HNRNPUL1: variants seen among roughly 807,000 people sequenced by gnomAD.
HNRNPUL1 encodes heterogeneous nuclear ribonucleoprotein U-like protein 1.
A neutral mutation model predicts 108.5 loss-of-function variants in HNRNPUL1; 14 were observed. The ratio of observed to expected loss-of-function variants is 0.13; its 90% CI spans 0.09 to 0.20. The LOEUF is 0.20. Among genes scored for constraint, HNRNPUL1 ranks in the 10% least tolerant of loss-of-function variants. HNRNPUL1 has a pLI of 1.00. For missense variants in HNRNPUL1, 804 were observed against 1,168.3 expected (o/e 0.69, Z 4.55); for synonymous variants, 422 against 445.2 (o/e 0.95, Z 0.66).
chr19:41,279,552 C>A (rs1599791102), intron 6 of HNRNPUL1, among the ~76,000 whole-genome samples: 1 of 152,100 alleles, frequency 6.6e-6, no homozygotes, highest in East Asian at 1.9e-4. Flanking sequence ...GGAGCCTAAC[C>A]TAGAGGAAAA....
In HNRNPUL1 at chr19:41,304,087, GCCA is replaced by G. The variant is rs1219179690; in HGVS notation, c.2093_2095del (p.Pro698del). The G allele has an allele frequency of 3.1e-6, 5 of 1,612,694 alleles. No homozygotes were observed. The highest frequency in any genetic ancestry group is 4.2e-6 in the Non-Finnish European group (5 of 1,178,962). On this transcript the variant is annotated inframe_deletion, in exon 13 of 15. Transcript: ENST00000392006. ...ACAACCGGGCTCCCCAGCAACAGCC[GCCA>G]CCACAGCAGCCTCCGCCACCACAGC...
intron 1 of HNRNPUL1, among the ~76,000 whole-genome samples, chr19:41,267,211 T>G (rs1366857959): frequency 6.6e-6 from 1 of 152,160 alleles, no homozygotes; most frequent in Non-Finnish European, 1.5e-5. Flanking sequence ...AGATCACATG[T>G]GAAGGGCTTA....
chr19:41,267,801 G>A (rs1253273386), intron 1 of HNRNPUL1, among the ~76,000 whole-genome samples: 1 of 152,170 alleles, frequency 6.6e-6, no homozygotes, highest in African/African-American at 2.4e-5. Flanking sequence ...GTTCTTGAGG[G>A]AATTTCTGGT....
chr19:41,306,380 G>A (rs2037549367), intron 14 of HNRNPUL1, 69 bp from the exon 15 acceptor site: 3 of 1,005,670 alleles, frequency 3.0e-6, no homozygotes, highest in East Asian at 5.6e-5. Context: ...AGGTGAGGGT[G>A]GGGCTGGTGG....
In HNRNPUL1 at chr19:41,285,999, T is replaced by C. The variant is rs138476787; in HGVS notation, c.999+4724T>C. Among the ~76,000 whole-genome samples the C allele has an allele frequency of 2.4e-3, 371 of 152,134 alleles. 2 individuals carry two copies. Among genetic ancestry groups the C allele is most frequent in the African/African-American group, 8.6e-3 (358 of 41,488 alleles). On this transcript the variant is annotated intron_variant, in intron 7 of 14. Transcript: ENST00000392006. ...GCCTGGGCAACATAAGGAAACCCTG[T>C]CTTTACCAAAAATAGAAATAAAAAT... is the stretch of plus-strand genomic sequence containing the variant.
intron 12 of HNRNPUL1, 146 bp downstream of exon 12, chr19:41,303,095 G>C: frequency 1.1e-6 from 1 of 933,136 alleles, no homozygotes; most frequent in Non-Finnish European, 1.5e-6. Context: ...AGTCAGACAC[G>C]GAGACCTCAG....
chr19:41,280,206 C>T lies in HNRNPUL1; in HGVS notation c.887-957C>T, dbSNP rs1349180663. Among the ~76,000 whole-genome samples, 4 of 152,084 alleles carry T rather than the reference C, an allele frequency of 2.6e-5. No homozygotes were observed. The East Asian group carries it at 7.7e-4, about 29-fold the overall frequency. ...AGAGTGGAATAATAGATAATGGAGA[C>T]TCAGAAGTGTTAGGGGGTAACAAGG... On this transcript the variant is annotated intron_variant, in intron 6 of 14. Transcript: ENST00000392006.
Position 41,294,281 on chromosome 19 carries a change from G to T in HNRNPUL1, c.1267-57G>T. The T allele has an allele frequency of 1.3e-6, 2 of 1,598,950 alleles. No individual in the cohort carries two copies. The highest frequency in any genetic ancestry group is 1.7e-6 in the Non-Finnish European group (2 of 1,170,100). ...CAGAGTCACACTCACAGTCACCACCGAGCCAAGTGGTGCCATACCACCATG... is the reference window on the plus strand; with the variant it reads ...CAGAGTCACACTCACAGTCACCACCTAGCCAAGTGGTGCCATACCACCATG... On this transcript the variant is annotated intron_variant, in intron 8 of 14. Transcript: ENST00000392006. This position sits in a 1 kb window ranked among gnomAD's most constrained non-coding sequence, Gnocchi z 4.3.
chr19:41,277,935 G>A (rs896821150), intron 5 of HNRNPUL1, among the ~76,000 whole-genome samples: 4 of 151,242 alleles, frequency 2.6e-5, no homozygotes, highest in African/African-American at 9.7e-5. Flanking sequence ...CTTTTAATAC[G>A]AAATTAAGTC....
chr19:41,290,881 A>T (rs2036538317), intron 7 of HNRNPUL1, among the ~76,000 whole-genome samples: 1 of 152,026 alleles, frequency 6.6e-6, no homozygotes, highest in Non-Finnish European at 1.5e-5. Flanking sequence ...ACATGGAGAA[A>T]CCCCGTCTAC....
chr19:41,264,126 G>C (rs2034651921), upstream of HNRNPUL1, among the ~76,000 whole-genome samples: 2 of 152,072 alleles, frequency 1.3e-5, no homozygotes, highest in Non-Finnish European at 2.9e-5. Flanking sequence ...CGGCGCGCGA[G>C]AGTTACCCAA....
intron 7 of HNRNPUL1, among the ~76,000 whole-genome samples, chr19:41,287,985 A>G (rs2036343332): frequency 6.6e-6 from 1 of 152,142 alleles, no homozygotes; most frequent in South Asian, 2.1e-4. Context: ...TTCCCTGTCC[A>G]CACAGACAAT....
At position 41,294,001 on chromosome 19, in the gene HNRNPUL1, T is replaced by C. The variant is rs951938358; in HGVS notation, c.1267-337T>C. Among the ~76,000 whole-genome samples, 4 of 152,158 alleles carry C rather than the reference T, an allele frequency of 2.6e-5. No individual in the cohort carries two copies. The highest frequency in any genetic ancestry group is 1.3e-4 in the Admixed American group (2 of 15,276). On this transcript the variant is annotated intron_variant, in intron 8 of 14. Transcript: ENST00000392006. The surrounding 1 kb of genome is among the most constrained non-coding windows in gnomAD (Gnocchi z 4.3). Reference sequence around the variant, plus strand: ...CAGCCTGGGCAATAGAGTGAGACCCTGTCTCAAAAAAACAAAATACTATAA... The same window carrying C: ...CAGCCTGGGCAATAGAGTGAGACCCCGTCTCAAAAAAACAAAATACTATAA...
At chr19:41,272,315 A>C (rs928166666) in intron 3 of HNRNPUL1, 80 bp downstream of exon 3, 1 of 1,411,860 alleles carries the variant, frequency 7.1e-7, no homozygotes, top group Non-Finnish European at 9.8e-7. Context: ...GGACATTTGC[A>C]CTAACCTAGA....
chr19:41,284,263 A>G (rs1408843564), intron 7 of HNRNPUL1, among the ~76,000 whole-genome samples: 9 of 152,230 alleles, frequency 5.9e-5, no homozygotes, highest in Non-Finnish European at 1.0e-4. Context: ...TGCCATTTCA[A>G]GATTAATCCA....
chr19:41,300,686 T>C (rs1161357463), intron 10 of HNRNPUL1, among the ~76,000 whole-genome samples: 1 of 152,202 alleles, frequency 6.6e-6, no homozygotes, highest in Non-Finnish European at 1.5e-5. Context: ...TGGAAGCCGA[T>C]GTTGTTACTG....
rs986415098 is a variant in HNRNPUL1 at position 41,276,310 on chromosome 19, C to A, written c.786+12C>A. On this transcript the variant is annotated intron_variant, in intron 5 of 14. Transcript: ENST00000392006. Reference sequence around the variant, plus strand: ...GCTTCGAGATGAAGGTGAGTAGGAGCAAGAGAAGGGGAAGGGACAGAGAAG... The same window carrying A: ...GCTTCGAGATGAAGGTGAGTAGGAGAAAGAGAAGGGGAAGGGACAGAGAAG... The A allele has an allele frequency of 3.8e-6, 6 of 1,595,838 alleles. No homozygotes were observed. The highest frequency in any genetic ancestry group is 5.1e-6 in the Non-Finnish European group (6 of 1,168,248).
chr19:41,276,143 G>T lies in HNRNPUL1; in HGVS notation c.647-16G>T. On this transcript the variant is annotated splice_polypyrimidine_tract_variant and intron_variant, in intron 4 of 14. Transcript: ENST00000392006. Reference sequence around the variant, plus strand: ...AAATAAAAACATCAGCCAACTGTGGGCATTTTCCTTCACAGATAACTGCGA... The same window carrying T: ...AAATAAAAACATCAGCCAACTGTGGTCATTTTCCTTCACAGATAACTGCGA... 1.2e-6 allele frequency: 2 copies of T among 1,613,782 alleles called. No individual in the cohort carries two copies. The highest frequency in any genetic ancestry group is 1.1e-5 in the South Asian group (1 of 91,046).
In HNRNPUL1 at chr19:41,304,132, A is replaced by T. The variant is rs777780868; in HGVS notation, c.2133A>T (p.Pro711=). ...CACCACAGCCACCACCCCAGCAGCC[A>T]CCGCCACCACCCAGCTACAGCCCTG... ...PPPPQPPPQQ[P]PPPPSYSPAR... Residue 711 remains proline, a synonymous_variant, in exon 13 of 15, where the codon CCA becomes CCT. Transcript: ENST00000392006. The T allele has an allele frequency of 1.2e-6, 2 of 1,613,802 alleles. No individual in the cohort carries two copies. Among genetic ancestry groups the T allele is most frequent in the Non-Finnish European group, 1.7e-6 (2 of 1,179,934 alleles).
Sources: allele counts gnomAD v4.1 joint callset (sites outside exome capture counted in the v4.1 genomes callset), GRCh38; gene constraint gnomAD v4.1.1; non-coding constraint Gnocchi (gnomAD v3.1); transcripts MANE v1.5; gene names NCBI Gene and HGNC (gene_info 2026-07-23, HGNC 2026-07-21).